The following ADGRL4 variants were observed in gnomAD, a reference collection of about 807,000 sequenced individuals.
ADGRL4 encodes EGF, latrophilin and seven transmembrane domain containing 1.
In ADGRL4, 90 loss-of-function variants were observed where a neutral mutation model predicts 74.8. The observed-to-expected ratio is 1.20, with a 90% confidence interval of 1.02 to 1.43. ADGRL4 has a LOEUF of 1.43. Ranked by LOEUF, ADGRL4 falls within the 40% of genes most tolerant of loss-of-function variation. The pLI, the probability that ADGRL4 is intolerant of heterozygous loss-of-function variation, is 0.00. For synonymous variants in ADGRL4, 311 were observed against 279.2 expected (o/e 1.11, Z -1.14); for missense variants, 881 against 814.3 (o/e 1.08, Z -1.00).
intron 7 of ADGRL4, among the ~76,000 whole-genome samples, chr1:78,930,447 ATTTTTTTTT>A (rs750792474): frequency 3.1e-5 from 3 of 97,288 alleles, no homozygotes; most frequent in African/African-American, 8.6e-5. Context: ...GGAAAAGCTG[ATTTTTTTTT>A]TTTTTTTTTT....
intron 2 of ADGRL4, among the ~76,000 whole-genome samples, chr1:78,978,227 A>G (rs985882627): frequency 6.6e-6 from 1 of 151,904 alleles, no homozygotes; most frequent in African/African-American, 2.4e-5. Flanking sequence ...TGGGTAATCT[A>G]TGTGCCTATT....
At chr1:78,944,498 A>G (rs1451387666) in intron 3 of ADGRL4, among the ~76,000 whole-genome samples, 2 of 152,170 alleles carry the variant, frequency 1.3e-5, no homozygotes, top group African/African-American at 4.8e-5. Flanking sequence ...TTGTTATGCT[A>G]TATTGCAATA....
intron 2 of ADGRL4, among the ~76,000 whole-genome samples, chr1:78,988,773 C>T (rs1037497209): frequency 2.0e-5 from 3 of 151,736 alleles, no homozygotes; most frequent in East Asian, 1.9e-4. Flanking sequence ...CTGGAGATTA[C>T]GTGAATCACT....
chr1:79,003,100 C>A (rs1311422909), intron 2 of ADGRL4, among the ~76,000 whole-genome samples: 1 of 152,008 alleles, frequency 6.6e-6, no homozygotes, highest in Admixed American at 6.6e-5. Context: ...GTCATTTCAT[C>A]TTGACATAAT....
chr1:79,003,320 G>C (rs1409103739), intron 2 of ADGRL4, among the ~76,000 whole-genome samples: 1 of 151,582 alleles, frequency 6.6e-6, no homozygotes, highest in Non-Finnish European at 1.5e-5. Context: ...GAAAACCACT[G>C]TTTGAACAGT....
At chr1:78,999,759 T>C (rs1415597377) in intron 2 of ADGRL4, among the ~76,000 whole-genome samples, 1 of 152,094 alleles carries the variant, frequency 6.6e-6, no homozygotes, top group Non-Finnish European at 1.5e-5. Flanking sequence ...TTATCACTAA[T>C]GCATATTATA....
intron 2 of ADGRL4, among the ~76,000 whole-genome samples, chr1:78,987,186 G>C (rs1650515106): frequency 6.6e-6 from 1 of 151,678 alleles, no homozygotes. Flanking sequence ...CATGATTTAA[G>C]ATAGCTACAT....
At chr1:78,919,872 C>T (rs1375284276) in intron 10 of ADGRL4, among the ~76,000 whole-genome samples, 1 of 151,884 alleles carries the variant, frequency 6.6e-6, no homozygotes, top group Non-Finnish European at 1.5e-5. Context: ...TTGTTTCTCT[C>T]CTTGGCCTTT....
In ADGRL4 at chr1:78,905,865, A is replaced by T. The variant is rs531021181; in HGVS notation, c.1749+11769T>A. ...TTGACTAAACATTTCGAAAAATTAC[A>T]TTTTTATTTTGTCTCACATTTTGCA... On this transcript the variant is annotated intron_variant, in intron 12 of 14. Coordinates refer to ENST00000370742, the MANE Select transcript of ADGRL4 (RefSeq NM_022159.4). Among the ~76,000 whole-genome samples the T allele has an allele frequency of 2.1e-4, 32 of 152,154 alleles. No homozygotes were observed. The South Asian group carries it at 6.4e-3, about 31-fold the overall frequency.
intron 2 of ADGRL4, among the ~76,000 whole-genome samples, chr1:78,966,926 A>T (rs950368204): frequency 2.9e-4 from 42 of 146,366 alleles, no homozygotes; most frequent in African/African-American, 9.6e-4. Context: ...TAAAAAAAAA[A>T]TCCCTGTTTA....
intron 6 of ADGRL4, among the ~76,000 whole-genome samples, chr1:78,937,353 G>C (rs1292860617): frequency 6.6e-6 from 1 of 152,204 alleles, no homozygotes. Context: ...GCTGAGACAG[G>C]AGAATTGCTT....
chr1:78,983,244 C>T (rs1650430743), intron 2 of ADGRL4, among the ~76,000 whole-genome samples: 1 of 151,662 alleles, frequency 6.6e-6, no homozygotes, highest in African/African-American at 2.4e-5. Context: ...GACACACATG[C>T]CCAAAACATC....
chr1:78,908,804 AT>A (rs1648696415), intron 12 of ADGRL4, among the ~76,000 whole-genome samples: 1 of 151,878 alleles, frequency 6.6e-6, no homozygotes, highest in Non-Finnish European at 1.5e-5. Context: ...TTTTAAAAAT[AT>A]TTTTTGGATT....
chr1:78,903,215 T>C (rs1472753392), intron 12 of ADGRL4, among the ~76,000 whole-genome samples: 1 of 152,214 alleles, frequency 6.6e-6, no homozygotes, highest in Admixed American at 6.5e-5. Context: ...TTCAGCCTAC[T>C]GCATCATATT....
At chr1:78,989,704 G>A (rs1650566715) in intron 2 of ADGRL4, among the ~76,000 whole-genome samples, 1 of 151,746 alleles carries the variant, frequency 6.6e-6, no homozygotes, top group African/African-American at 2.4e-5. Flanking sequence ...GAATGGTTTG[G>A]GAAAGTAGAA....
intron 2 of ADGRL4, among the ~76,000 whole-genome samples, chr1:78,963,055 A>G: frequency 6.6e-6 from 1 of 152,194 alleles, no homozygotes; most frequent in East Asian, 1.9e-4. Flanking sequence ...AGGAAAAAAG[A>G]TCATAATTTA....
At chr1:78,949,497 C>T (rs977754425) in intron 2 of ADGRL4, among the ~76,000 whole-genome samples, 5 of 151,996 alleles carry the variant, frequency 3.3e-5, no homozygotes, top group Non-Finnish European at 7.4e-5. Flanking sequence ...AAATATTGTT[C>T]GGTAAAATAC....
intron 2 of ADGRL4, among the ~76,000 whole-genome samples, chr1:78,959,072 G>T (rs1649890315): frequency 6.6e-6 from 1 of 152,116 alleles, no homozygotes; most frequent in Non-Finnish European, 1.5e-5. Flanking sequence ...TAGACATAAT[G>T]CTACTACACA....
At chr1:78,898,384 CATATCTGT>C (rs1324408538) in intron 12 of ADGRL4, among the ~76,000 whole-genome samples, 2 of 152,036 alleles carry the variant, frequency 1.3e-5, no homozygotes, top group Admixed American at 1.3e-4. Context: ...CTCTTTAGTG[CATATCTGT>C]GTGTGCTTAT....
Sources: allele counts gnomAD v4.1 joint callset (sites outside exome capture counted in the v4.1 genomes callset), GRCh38; gene constraint gnomAD v4.1.1; transcripts MANE v1.5; gene names NCBI Gene and HGNC (gene_info 2026-07-23, HGNC 2026-07-21).